The following RYR2 variants were observed in gnomAD, a reference collection of about 807,000 sequenced individuals.
The protein encoded by RYR2 is cardiac muscle ryanodine receptor-calcium release channel.
A neutral mutation model predicts 601.1 loss-of-function variants in RYR2; 227 were observed. That is an observed-to-expected ratio of 0.38 (90% confidence interval 0.34 to 0.42). RYR2 has a LOEUF of 0.42. RYR2 is among the 10% of genes least tolerant of loss of function. RYR2 has a pLI of 1.00. For missense variants in RYR2, 4,646 were observed against 6,156.5 expected (o/e 0.75, Z 8.21); for synonymous variants, 2,223 against 2,175.1 (o/e 1.02, Z -0.61).
At chr1:237,073,433 G>A (rs1017267928) in intron 1 of RYR2, among the ~76,000 whole-genome samples, 2 of 152,146 alleles carry the variant, frequency 1.3e-5, no homozygotes, top group Admixed American at 6.5e-5. Context: ...TCAGAGCCCC[G>A]CTGTCCAGTA....
chr1:237,077,708 A>T (rs1665151333), intron 1 of RYR2, among the ~76,000 whole-genome samples: 1 of 151,832 alleles, frequency 6.6e-6, no homozygotes, highest in African/African-American at 2.4e-5. Context: ...TCAACATTAG[A>T]CAGATCAACG....
At chr1:237,085,662 A>T (rs1037960857) in intron 1 of RYR2, among the ~76,000 whole-genome samples, 1 of 152,298 alleles carries the variant, frequency 6.6e-6, no homozygotes, top group South Asian at 2.1e-4. Flanking sequence ...CCATTACTTG[A>T]TCTCAGTTGG....
intron 1 of RYR2, among the ~76,000 whole-genome samples, chr1:237,060,513 A>G (rs1248875109): frequency 6.6e-6 from 1 of 152,234 alleles, no homozygotes. Flanking sequence ...ACTACCACTC[A>G]CATTAATGCA....
chr1:237,365,458 C>A (rs965175431), intron 5 of RYR2, among the ~76,000 whole-genome samples: 1 of 152,166 alleles, frequency 6.6e-6, no homozygotes, highest in African/African-American at 2.4e-5. Flanking sequence ...TTGAAGCCAT[C>A]TATCAACCAG....
intron 5 of RYR2, among the ~76,000 whole-genome samples, chr1:237,368,646 CA>C (rs1700388729): frequency 6.6e-6 from 1 of 152,094 alleles, no homozygotes; most frequent in African/African-American, 2.4e-5. Context: ...TGTGTTTTTA[CA>C]AGCTCTCCAA....
chr1:237,523,580 CAA>C (rs1667293425), intron 24 of RYR2, among the ~76,000 whole-genome samples: 1 of 151,778 alleles, frequency 6.6e-6, no homozygotes, highest in African/African-American at 2.4e-5. Flanking sequence ...ACTAAAAATA[CAA>C]AAAAAGTAGC....
intron 11 of RYR2, among the ~76,000 whole-genome samples, chr1:237,421,632 C>T (rs1367468161): frequency 6.6e-6 from 1 of 152,148 alleles, no homozygotes; most frequent in Non-Finnish European, 1.5e-5. Flanking sequence ...GAACCAAGTA[C>T]TCTCAATTTG....
At chr1:237,190,013 T>C (rs949135080) in intron 1 of RYR2, among the ~76,000 whole-genome samples, 3 of 151,902 alleles carry the variant, frequency 2.0e-5, no homozygotes, top group Non-Finnish European at 4.4e-5. Flanking sequence ...GCTGAGATTA[T>C]AGGCACCTAC....
intron 38 of RYR2, among the ~76,000 whole-genome samples, chr1:237,618,811 G>A (rs142352244): frequency 1.5e-4 from 23 of 152,256 alleles, no homozygotes; most frequent in African/African-American, 3.9e-4. Flanking sequence ...CTTTATCCCC[G>A]CTGAGTAGTA....
At chr1:237,284,337 G>A (rs533295431) in intron 2 of RYR2, among the ~76,000 whole-genome samples, 5 of 148,166 alleles carry the variant, frequency 3.4e-5, no homozygotes, top group South Asian at 2.1e-4. Flanking sequence ...TCGAGATTGC[G>A]CCACTGCACT....
chr1:237,699,159 A>G (rs1415269699), intron 64 of RYR2, 134 bp downstream of exon 64: 3 of 459,432 alleles, frequency 6.5e-6, no homozygotes, highest in South Asian at 9.5e-5. Context: ...GTAGGTGAAA[A>G]GAAAAACTTT....
chr1:237,565,805 G>A (rs980337221), intron 27 of RYR2, among the ~76,000 whole-genome samples: 1 of 152,124 alleles, frequency 6.6e-6, no homozygotes, highest in Admixed American at 6.5e-5. Flanking sequence ...TCGTCGTTCT[G>A]GCTCTGGGTT....
At chr1:237,125,115 G>T (rs1417936526) in intron 1 of RYR2, among the ~76,000 whole-genome samples, 1 of 152,152 alleles carries the variant, frequency 6.6e-6, no homozygotes, top group Non-Finnish European at 1.5e-5. Flanking sequence ...CTTGGTGGTT[G>T]CCAGAAAGAG....
intron 3 of RYR2, among the ~76,000 whole-genome samples, chr1:237,355,741 T>A (rs1047978328): frequency 6.6e-6 from 1 of 152,200 alleles, no homozygotes. Context: ...ATTTCCAGCC[T>A]AATGTCTTTT....
At chr1:237,112,074 T>G (rs949774871) in intron 1 of RYR2, among the ~76,000 whole-genome samples, 7 of 152,054 alleles carry the variant, frequency 4.6e-5, no homozygotes, top group Admixed American at 3.9e-4. Flanking sequence ...AGTAGGTAAG[T>G]TCCCCCTCCA....
chr1:237,532,357 G>A (rs1558979886), intron 25 of RYR2, among the ~76,000 whole-genome samples: 3 of 151,968 alleles, frequency 2.0e-5, no homozygotes, highest in Non-Finnish European at 4.4e-5. Context: ...AAAGATCATT[G>A]AGTTAAGTTA....
intron 62 of RYR2, among the ~76,000 whole-genome samples, chr1:237,683,222 C>T (rs561303782): frequency 1.8e-4 from 27 of 152,114 alleles, no homozygotes; most frequent in Non-Finnish European, 3.4e-4. Flanking sequence ...GTTTAACAGA[C>T]GTGAGTAGCA....
chr1:237,645,938 G>GTGATCTC (rs1682088297), intron 48 of RYR2, among the ~76,000 whole-genome samples: 1 of 149,606 alleles, frequency 6.7e-6, no homozygotes, highest in South Asian at 2.1e-4. Flanking sequence ...ATGCAGTGGC[G>GTGATCTC]CAGTCTTGGC....
intron 25 of RYR2, among the ~76,000 whole-genome samples, chr1:237,541,005 G>A (rs1477056887): frequency 6.6e-6 from 1 of 150,752 alleles, no homozygotes; most frequent in Non-Finnish European, 1.5e-5. Flanking sequence ...GTACCCGTAT[G>A]TATACTGTTT....
Sources: gnomAD v4.1 joint callset for allele counts (sites outside exome capture counted in the v4.1 genomes callset) on GRCh38, gnomAD v4.1.1 for gene constraint, MANE v1.5 for transcripts, NCBI Gene and HGNC (gene_info 2026-07-23, HGNC 2026-07-21) for gene names.